Variants in KIAA1328 observed in about 807,000 individuals in gnomAD.
KIAA1328 encodes the protein protein hinderin.
In KIAA1328, 52 loss-of-function variants were observed where a neutral mutation model predicts 68.1. The observed-to-expected ratio is 0.76, with a 90% CI of 0.61 to 0.96. KIAA1328 has a LOEUF of 0.96. KIAA1328 is among the 40% of genes least tolerant of loss of function. The pLI is 0.00. For missense variants in KIAA1328, 641 were observed against 677.6 expected (o/e 0.95, Z 0.60); for synonymous variants, 232 against 239.4 (o/e 0.97, Z 0.28).
chr18:37,110,320 G>T (rs2057895385), intron 7 of KIAA1328, among the ~76,000 whole-genome samples: 1 of 152,180 alleles, frequency 6.6e-6, no homozygotes, highest in African/African-American at 2.4e-5. Flanking sequence ...TATGAGGTGA[G>T]AGTTAAGGAA....
rs375603171 is a variant in KIAA1328, at chr18:37,121,820, T to C, written c.1233-38380T>C. Among the ~76,000 whole-genome samples, 3 of 151,958 alleles carry C rather than the reference T, an allele frequency of 2.0e-5. No homozygotes were observed. In the East Asian group the frequency reaches 5.8e-4, roughly 29 times the overall value. ...TTTTTGAAGAGATGCAGGCCTCCTA[T>C]TTGTTATTTAGGTGAATGCATGAAT... On this transcript the variant is annotated intron_variant, in intron 7 of 9. Coordinates refer to ENST00000280020, the MANE Select transcript of KIAA1328 (RefSeq NM_020776.3).
intron 7 of KIAA1328, among the ~76,000 whole-genome samples, chr18:37,074,081 T>G (rs983156623): frequency 1.3e-4 from 20 of 152,324 alleles, no homozygotes; most frequent in Admixed American, 3.9e-4. Flanking sequence ...CTGGTGGGAA[T>G]GGGGAAAATG....
intron 9 of KIAA1328, among the ~76,000 whole-genome samples, chr18:37,181,103 C>A (rs1003967978): frequency 6.6e-6 from 1 of 152,064 alleles, no homozygotes; most frequent in African/African-American, 2.4e-5. Context: ...TTTTAGCTTT[C>A]CTTGCCCTCA....
At chr18:37,147,245 A>G (rs1355378561) in intron 7 of KIAA1328, among the ~76,000 whole-genome samples, 1 of 152,202 alleles carries the variant, frequency 6.6e-6, no homozygotes, top group Non-Finnish European at 1.5e-5. Context: ...AAACAGACAA[A>G]GACAGTGGCC....
intron 9 of KIAA1328, among the ~76,000 whole-genome samples, chr18:37,214,113 G>A (rs1219939460): frequency 6.6e-6 from 1 of 152,194 alleles, no homozygotes; most frequent in African/African-American, 2.4e-5. Flanking sequence ...TGTTCACTCT[G>A]ATGGTAGTTT....
chr18:36,932,862 A>G (rs2050362219), intron 5 of KIAA1328, among the ~76,000 whole-genome samples: 1 of 152,232 alleles, frequency 6.6e-6, no homozygotes, highest in African/African-American at 2.4e-5. Flanking sequence ...ATATATTAGT[A>G]AACAATGTTG....
chr18:37,007,820 T>TTTTATTAAAA (rs1394238974), intron 6 of KIAA1328, among the ~76,000 whole-genome samples: 3 of 152,042 alleles, frequency 2.0e-5, no homozygotes, highest in African/African-American at 7.2e-5. Context: ...AACTAAAAAG[T>TTTTATTAAAA]CTGGACAAAA....
chr18:36,899,379 G>T (rs149489484), intron 5 of KIAA1328, among the ~76,000 whole-genome samples: 54 of 151,728 alleles, frequency 3.6e-4, no homozygotes, highest in Non-Finnish European at 6.9e-4. Context: ...TACATGTTAC[G>T]TGAATGAATT....
intron 5 of KIAA1328, among the ~76,000 whole-genome samples, chr18:36,934,703 TA>T (rs1320149555): frequency 2.0e-5 from 3 of 152,228 alleles, no homozygotes; most frequent in African/African-American, 7.2e-5. Flanking sequence ...AATTTTTTTT[TA>T]GTCTTTCTTT....
At chr18:36,830,839 A>G (rs1445356100) in intron 1 of KIAA1328, among the ~76,000 whole-genome samples, 1 of 152,232 alleles carries the variant, frequency 6.6e-6, no homozygotes, top group Non-Finnish European at 1.5e-5. Context: ...ATTATATCCT[A>G]TAAGATCTAA....
chr18:37,195,696 T>C (rs1599565335), intron 9 of KIAA1328, among the ~76,000 whole-genome samples: 2 of 152,230 alleles, frequency 1.3e-5, no homozygotes, highest in Non-Finnish European at 2.9e-5. Context: ...TTGGTAACTA[T>C]AGCTTTTTAG....
intron 9 of KIAA1328, among the ~76,000 whole-genome samples, chr18:37,218,642 T>C (rs2060495618): frequency 6.6e-6 from 1 of 152,260 alleles, no homozygotes; most frequent in African/African-American, 2.4e-5. Flanking sequence ...GTAGTTCTCC[T>C]GCCATGGTTT....
chr18:37,137,974 CT>C (rs967859159), intron 7 of KIAA1328, among the ~76,000 whole-genome samples: 12 of 152,310 alleles, frequency 7.9e-5, no homozygotes, highest in South Asian at 4.2e-4. Context: ...TACCCCGCCC[CT>C]GACCTACTTT....
intron 7 of KIAA1328, among the ~76,000 whole-genome samples, chr18:37,125,399 A>G (rs925976726): frequency 6.6e-6 from 1 of 152,206 alleles, no homozygotes; most frequent in Non-Finnish European, 1.5e-5. Flanking sequence ...TGCTTATATT[A>G]GAAAGTTTAA....
chr18:37,177,740 T>C (rs2059622658), intron 9 of KIAA1328, among the ~76,000 whole-genome samples: 1 of 152,164 alleles, frequency 6.6e-6, no homozygotes, highest in Non-Finnish European at 1.5e-5. Context: ...TTTGTGAAGC[T>C]TCTTTTTTCT....
At chr18:37,139,937 G>T (rs924586316) in intron 7 of KIAA1328, among the ~76,000 whole-genome samples, 4 of 152,160 alleles carry the variant, frequency 2.6e-5, no homozygotes, top group African/African-American at 9.7e-5. Flanking sequence ...GTCAAACTGT[G>T]TGATTATTTA....
rs1213937135 is a variant in KIAA1328 at position 37,222,183 on chromosome 18, G to A, written c.1690G>A (p.Glu564Lys). 1 of 1,596,814 alleles carries A rather than the reference G, an allele frequency of 6.3e-7. No homozygotes were observed. The highest frequency in any genetic ancestry group is 8.5e-7 in the Non-Finnish European group (1 of 1,171,140). The change falls in exon 10 of 10, where the codon GAG becomes AAG. Residue 564 changes from glutamate to lysine, a missense_variant. Physicochemically the swap from Glu to Lys is moderately conservative, Grantham distance 56. Transcript: ENST00000280020. ...GATGGGGATGCACAGAACCCCTGAA[G>A]AGTTGGAGGAGAATCAGATTCTGGA... Reference protein sequence around the residue: ...KKMGMHRTPEELEENQILEDI... With the variant: ...KKMGMHRTPEKLEENQILEDI...
intron 7 of KIAA1328, among the ~76,000 whole-genome samples, chr18:37,158,660 T>C (rs962538262): frequency 6.6e-6 from 1 of 152,166 alleles, no homozygotes; most frequent in Non-Finnish European, 1.5e-5. Flanking sequence ...ATAGTCATCT[T>C]TATTTTAGGG....
At chr18:36,864,865 T>C (rs934394376) in intron 4 of KIAA1328, among the ~76,000 whole-genome samples, 2 of 152,026 alleles carry the variant, frequency 1.3e-5, no homozygotes, top group Non-Finnish European at 2.9e-5. Flanking sequence ...TAATTGTTTC[T>C]TTTTTTAAAG....
Sources: allele counts gnomAD v4.1 joint callset (sites outside exome capture counted in the v4.1 genomes callset), GRCh38; gene constraint gnomAD v4.1.1; transcripts MANE v1.5; gene names NCBI Gene and HGNC (gene_info 2026-07-23, HGNC 2026-07-21).